Variants in HS6ST3 observed in about 807,000 individuals in gnomAD.
The protein encoded by HS6ST3 is heparan sulfate 6-O-sulfotransferase 3.
HS6ST3 carries 12 observed loss-of-function variants against 36.7 expected under a neutral mutation model. That is an observed-to-expected ratio of 0.33 (90% CI 0.21 to 0.53). HS6ST3 has a LOEUF of 0.53. Among genes scored for constraint, HS6ST3 ranks in the 20% least tolerant of loss-of-function variants. HS6ST3 has a pLI of 0.95. For synonymous variants in HS6ST3, 240 were observed against 257.5 expected (o/e 0.93, Z 0.65); for missense variants, 584 against 640.9 (o/e 0.91, Z 0.96).
chr13:96,596,211 T>G (rs754087679), intron 1 of HS6ST3, among the ~76,000 whole-genome samples: 8 of 152,212 alleles, frequency 5.3e-5, no homozygotes, highest in African/African-American at 9.6e-5. Context: ...GGATTTCCAT[T>G]TCTGAGTTAC....
At chr13:96,688,303 G>T (rs141639137) in intron 1 of HS6ST3, among the ~76,000 whole-genome samples, 2 of 151,746 alleles carry the variant, frequency 1.3e-5, no homozygotes, top group African/African-American at 4.8e-5. Context: ...CCCTCTGGTG[G>T]TACTAAGCTA....
At chr13:96,412,058 G>A (rs1436931568) in intron 1 of HS6ST3, among the ~76,000 whole-genome samples, 1 of 152,000 alleles carries the variant, frequency 6.6e-6, no homozygotes. Flanking sequence ...AGGCTGCAGT[G>A]CAGTGGTGCG....
intron 1 of HS6ST3, among the ~76,000 whole-genome samples, chr13:96,644,926 A>T (rs540236240): frequency 6.6e-6 from 1 of 151,822 alleles, no homozygotes; most frequent in Non-Finnish European, 1.5e-5. Flanking sequence ...CTCTAAGAAA[A>T]TTTTTTCTTA....
chr13:96,420,354 C>T (rs895185357), intron 1 of HS6ST3, among the ~76,000 whole-genome samples: 1 of 152,134 alleles, frequency 6.6e-6, no homozygotes, highest in Non-Finnish European at 1.5e-5. Flanking sequence ...TATGCATCCT[C>T]CTCTTCTTTA....
At chr13:96,830,117 A>G (rs1045119581) in intron 1 of HS6ST3, among the ~76,000 whole-genome samples, 1 of 152,146 alleles carries the variant, frequency 6.6e-6, no homozygotes, top group African/African-American at 2.4e-5. Context: ...CTTTTTTATA[A>G]AATGGGCTTT....
At chr13:96,118,354 A>G (rs2053903737) in intron 1 of HS6ST3, among the ~76,000 whole-genome samples, 1 of 152,102 alleles carries the variant, frequency 6.6e-6, no homozygotes. Context: ...ACAAGCCAAA[A>G]AGGAAGGCTA....
chr13:96,569,369 C>T (rs1247894873), intron 1 of HS6ST3, among the ~76,000 whole-genome samples: 1 of 152,146 alleles, frequency 6.6e-6, no homozygotes, highest in African/African-American at 2.4e-5. Flanking sequence ...AGGCCAGCCA[C>T]CTTGCCATAA....
At chr13:96,479,629 T>C (rs866258799) in intron 1 of HS6ST3, among the ~76,000 whole-genome samples, 2 of 152,142 alleles carry the variant, frequency 1.3e-5, no homozygotes, top group Non-Finnish European at 2.9e-5. Context: ...AGAGAAATAT[T>C]GATGAGGTGG....
intron 1 of HS6ST3, among the ~76,000 whole-genome samples, chr13:96,360,065 G>A (rs764472172): frequency 2.3e-4 from 35 of 152,256 alleles, no homozygotes; most frequent in Non-Finnish European, 4.0e-4. Flanking sequence ...GGACAGGGCA[G>A]AGATGAAGTG....
chr13:96,655,901 A>G (rs1466707191), intron 1 of HS6ST3, among the ~76,000 whole-genome samples: 1 of 152,146 alleles, frequency 6.6e-6, no homozygotes, highest in Non-Finnish European at 1.5e-5. Flanking sequence ...GAGATTGTGC[A>G]TCTCAAGGAC....
chr13:96,804,408 T>C (rs1878150287), intron 1 of HS6ST3, among the ~76,000 whole-genome samples: 1 of 152,136 alleles, frequency 6.6e-6, no homozygotes, highest in South Asian at 2.1e-4. Flanking sequence ...AACACATTTA[T>C]AAAGTTATTC....
intron 1 of HS6ST3, among the ~76,000 whole-genome samples, chr13:96,598,302 C>T (rs1336823121): frequency 1.3e-5 from 2 of 152,122 alleles, no homozygotes; most frequent in Non-Finnish European, 2.9e-5. Flanking sequence ...TCTTCCAACC[C>T]ATGAGCATGG....
intron 1 of HS6ST3, among the ~76,000 whole-genome samples, chr13:96,681,494 T>TGG (rs1320780339): frequency 6.6e-6 from 1 of 152,156 alleles, no homozygotes; most frequent in Non-Finnish European, 1.5e-5. Context: ...CTCACCTCAT[T>TGG]ACATCTTTCA....
intron 1 of HS6ST3, among the ~76,000 whole-genome samples, chr13:96,408,701 A>G (rs2055491273): frequency 6.6e-6 from 1 of 152,112 alleles, no homozygotes; most frequent in Non-Finnish European, 1.5e-5. Context: ...AGGCGGGTGG[A>G]TCACCTGAGG....
intron 1 of HS6ST3, among the ~76,000 whole-genome samples, chr13:96,503,559 G>A (rs1380453587): frequency 6.6e-6 from 1 of 152,104 alleles, no homozygotes; most frequent in Non-Finnish European, 1.5e-5. Context: ...ATTTATTACT[G>A]GAGGAACACT....
At chr13:96,683,011 AT>A (rs1314539972) in intron 1 of HS6ST3, among the ~76,000 whole-genome samples, 1 of 152,074 alleles carries the variant, frequency 6.6e-6, no homozygotes, top group Non-Finnish European at 1.5e-5. Context: ...AATGGAAGGT[AT>A]TTCATGAAGG....
chr13:96,757,742 C>T (rs897070430), intron 1 of HS6ST3, among the ~76,000 whole-genome samples: 2 of 151,792 alleles, frequency 1.3e-5, no homozygotes, highest in Admixed American at 1.3e-4. Flanking sequence ...AATTTTTCTC[C>T]TTTTTTTAAT....
At chr13:96,305,746 A>G (rs2054909064) in intron 1 of HS6ST3, among the ~76,000 whole-genome samples, 2 of 152,038 alleles carry the variant, frequency 1.3e-5, no homozygotes, top group African/African-American at 4.8e-5. Context: ...CATAATGTAT[A>G]TATTATACCT....
intron 1 of HS6ST3, among the ~76,000 whole-genome samples, chr13:96,240,042 G>A (rs1246110540): frequency 6.6e-6 from 1 of 152,182 alleles, no homozygotes; most frequent in South Asian, 2.1e-4. Flanking sequence ...ATAATGGAGA[G>A]TTGTGTATTT....
Sources: gnomAD v4.1 joint callset for allele counts (sites outside exome capture counted in the v4.1 genomes callset) on GRCh38, gnomAD v4.1.1 for gene constraint, MANE v1.5 for transcripts, NCBI Gene and HGNC (gene_info 2026-07-23, HGNC 2026-07-21) for gene names.